The following MAGI2 variants were observed in gnomAD, a reference collection of about 807,000 sequenced individuals.
The protein encoded by MAGI2 is membrane-associated guanylate kinase, WW and PDZ domain-containing protein 2.
MAGI2 carries 35 observed loss-of-function variants against 133.3 expected under a neutral mutation model. That is an observed-to-expected ratio of 0.26 (90% CI 0.20 to 0.35). MAGI2 has a LOEUF of 0.35. Among genes scored for constraint, MAGI2 ranks in the 10% least tolerant of loss-of-function variants. The pLI, the probability that MAGI2 is intolerant of heterozygous loss-of-function variation, is 1.00. For synonymous variants in MAGI2, 729 were observed against 710.6 expected, an observed-to-expected ratio of 1.03 and a Z score of -0.41; for missense variants, 1,636 against 1,863.4, an observed-to-expected ratio of 0.88 and a Z score of 2.25.
rs186844389 is a variant in MAGI2 at position 79,366,206 on chromosome 7, G to A, written c.301+86814C>T. On this transcript the variant is annotated intron_variant, in intron 1 of 21. Coordinates refer to ENST00000354212, the MANE Select transcript of MAGI2 (RefSeq NM_012301.4). The stretch of plus-strand genomic sequence containing the variant: ...GCAGTGAGCCATTGCACTCCAGCCC[G>A]GGCAATGGGAGTAAGATCCTGTATC... 2.1e-4 allele frequency among the ~76,000 whole-genome samples: 32 copies of A among 152,060 alleles called. No homozygotes were observed. In the East Asian group the frequency reaches 3.7e-3, roughly 18 times the overall value.
intron 1 of MAGI2, among the ~76,000 whole-genome samples, chr7:79,200,108 G>A (rs1478162420): frequency 6.6e-6 from 1 of 151,450 alleles, no homozygotes; most frequent in Admixed American, 6.6e-5. Context: ...CAATCTCCTG[G>A]CATACCAGGA....
At chr7:79,282,309 C>T (rs1413774565) in intron 1 of MAGI2, among the ~76,000 whole-genome samples, 1 of 152,102 alleles carries the variant, frequency 6.6e-6, no homozygotes, top group Admixed American at 6.6e-5. Context: ...GGCTTGCTTG[C>T]GTTTATAGCC....
At chr7:78,135,299 T>C (rs1821996670) in intron 16 of MAGI2, 93 bp from the exon 17 acceptor site, 2 of 1,051,364 alleles carry the variant, frequency 1.9e-6, no homozygotes, top group African/African-American at 1.6e-5. Flanking sequence ...AATGTCAGAA[T>C]TCCTTCCTTC....
chr7:78,113,725 A>G (rs1466447898), intron 20 of MAGI2, among the ~76,000 whole-genome samples: 1 of 152,154 alleles, frequency 6.6e-6, no homozygotes, highest in Non-Finnish European at 1.5e-5. Context: ...ATCACTTAAT[A>G]ATGCATTTCT....
intron 2 of MAGI2, among the ~76,000 whole-genome samples, chr7:78,685,466 G>GT (rs5885086): frequency 8.6e-4 from 122 of 141,622 alleles, no homozygotes; most frequent in Middle Eastern, 7.1e-3. Context: ...TGTCATTGTC[G>GT]TTTTTTTTTT....
At chr7:78,215,360 C>G (rs775593607) in intron 10 of MAGI2, among the ~76,000 whole-genome samples, 1 of 152,076 alleles carries the variant, frequency 6.6e-6, no homozygotes. Context: ...TTCTTCATTA[C>G]AGAATAAGAG....
intron 1 of MAGI2, among the ~76,000 whole-genome samples, chr7:79,449,895 T>C (rs188296329): frequency 6.8e-6 from 1 of 147,538 alleles, no homozygotes; most frequent in African/African-American, 2.5e-5. Flanking sequence ...TATATATATA[T>C]ATAATGTCTT....
chr7:79,168,911 T>G (rs1225380687), intron 1 of MAGI2, among the ~76,000 whole-genome samples: 1 of 10,194 alleles, frequency 9.8e-5, no homozygotes, highest in Non-Finnish European at 7.0e-4. Flanking sequence ...TATATATATA[T>G]ATATATATAT....
chr7:79,146,303 A>G (rs1184618140), intron 1 of MAGI2, among the ~76,000 whole-genome samples: 1 of 152,192 alleles, frequency 6.6e-6, no homozygotes, highest in Non-Finnish European at 1.5e-5. Context: ...TGTACCACTC[A>G]TGATCTTGTT....
intron 2 of MAGI2, among the ~76,000 whole-genome samples, chr7:78,853,583 C>T (rs117038961): frequency 0.063 from 9,547 of 151,476 alleles, 369 homozygotes; most frequent in Middle Eastern, 0.11. Flanking sequence ...CTCAAACTCC[C>T]GGACTCAAGC....
At chr7:78,446,186 G>A (rs1051472113) in intron 6 of MAGI2, among the ~76,000 whole-genome samples, 3 of 151,236 alleles carry the variant, frequency 2.0e-5, no homozygotes, top group Admixed American at 6.6e-5. Flanking sequence ...TTTCTCCTTC[G>A]CATGTATTTA....
At chr7:79,108,384 C>A (rs1286761556) in intron 1 of MAGI2, among the ~76,000 whole-genome samples, 9 of 152,178 alleles carry the variant, frequency 5.9e-5, no homozygotes, top group Admixed American at 2.0e-4. Context: ...ATACTCAAAA[C>A]AGGAGGATTT....
intron 10 of MAGI2, among the ~76,000 whole-genome samples, chr7:78,237,039 C>T (rs1790620847): frequency 6.6e-6 from 1 of 152,096 alleles, no homozygotes; most frequent in South Asian, 2.1e-4. Context: ...TCACCAGGTC[C>T]CTCCCACAAC....
intron 2 of MAGI2, among the ~76,000 whole-genome samples, chr7:78,876,321 CAA>C (rs57950337): frequency 2.6e-3 from 204 of 79,668 alleles, no homozygotes; most frequent in African/African-American, 7.3e-3. Flanking sequence ...GACTCCGTCT[CAA>C]AAAAAAAAAA....
chr7:78,941,251 T>G (rs1335433839), intron 2 of MAGI2, among the ~76,000 whole-genome samples: 1 of 152,098 alleles, frequency 6.6e-6, no homozygotes, highest in Non-Finnish European at 1.5e-5. Context: ...AAGCACTGCC[T>G]AAAACTTTCT....
intron 2 of MAGI2, among the ~76,000 whole-genome samples, chr7:78,808,340 T>A (rs1199618569): frequency 6.6e-6 from 1 of 152,142 alleles, no homozygotes; most frequent in African/African-American, 2.4e-5. Context: ...CACTGCAACT[T>A]CCACCTCCCA....
chr7:78,388,391 CTTAGAGTGTGCGGCAGG>C (rs1795604017), intron 6 of MAGI2, among the ~76,000 whole-genome samples: 1 of 152,074 alleles, frequency 6.6e-6, no homozygotes, highest in African/African-American at 2.4e-5. Flanking sequence ...TGGGTCCAAA[CTTAGAGTGTGCGGCAGG>C]TAAAAATCAC....
Position 78,872,466 on chromosome 7 carries a change from C to A in MAGI2, c.418+134624G>T, listed in dbSNP as rs193271690. On this transcript the variant is annotated intron_variant, in intron 2 of 21. Transcript: ENST00000354212. Reference sequence around the variant, plus strand: ...GCATTTGCTCAATTCAACATACATTCTTTGAATCTTAAGTTAGTAATTAAA... The same window carrying A: ...GCATTTGCTCAATTCAACATACATTATTTGAATCTTAAGTTAGTAATTAAA... 9.2e-5 allele frequency among the ~76,000 whole-genome samples: 14 copies of A among 152,172 alleles called. No homozygotes were observed. The East Asian group carries it at 2.1e-3, about 23-fold the overall frequency.
intron 9 of MAGI2, among the ~76,000 whole-genome samples, chr7:78,316,742 G>A (rs1787446856): frequency 6.6e-6 from 1 of 152,176 alleles, no homozygotes; most frequent in Admixed American, 6.5e-5. Flanking sequence ...TTAAGCACTT[G>A]AGAAGCACTT....
Sources: gnomAD v4.1 joint callset for allele counts (sites outside exome capture counted in the v4.1 genomes callset) on GRCh38, gnomAD v4.1.1 for gene constraint, MANE v1.5 for transcripts, NCBI Gene and HGNC (gene_info 2026-07-23, HGNC 2026-07-21) for gene names.